Variants in SUSD6 observed in about 807,000 individuals in gnomAD.
SUSD6 encodes the protein sushi domain containing 6.
A neutral mutation model predicts 28.4 loss-of-function variants in SUSD6; 16 were observed. That is an observed-to-expected ratio of 0.56 (90% confidence interval 0.38 to 0.86). The LOEUF (loss-of-function observed/expected upper bound fraction) is 0.86, where lower values mean the gene tolerates loss of function less well. Ranked by LOEUF, SUSD6 falls within the 40% of genes least tolerant of loss-of-function variation. The pLI, the probability that SUSD6 is intolerant of heterozygous loss-of-function variation, is 0.00. For missense variants in SUSD6, 341 were observed against 384.2 expected (o/e 0.89, Z 0.94); for synonymous variants, 147 against 159.6 (o/e 0.92, Z 0.59).
At chr14:69,688,648 A>G (rs1378131568) in intron 2 of SUSD6, among the ~76,000 whole-genome samples, 2 of 152,212 alleles carry the variant, frequency 1.3e-5, no homozygotes, top group South Asian at 2.1e-4. Flanking sequence ...CTTGAGAAGC[A>G]TGATGAATCT....
At chr14:69,687,738 A>T (rs1036305692) in intron 2 of SUSD6, among the ~76,000 whole-genome samples, 2 of 152,232 alleles carry the variant, frequency 1.3e-5, no homozygotes, top group Non-Finnish European at 2.9e-5. Context: ...CTGGCTGGCC[A>T]CGACATGGAG....
At chr14:69,621,049 GCCCTCC>G (rs1244590028) in intron 1 of SUSD6, among the ~76,000 whole-genome samples, 1 of 152,238 alleles carries the variant, frequency 6.6e-6, no homozygotes, top group East Asian at 1.9e-4. Context: ...GTAAACGTAC[GCCCTCC>G]CCCTATATTT....
At chr14:69,687,080 G>A (rs1886084244) in intron 2 of SUSD6, among the ~76,000 whole-genome samples, 1 of 152,110 alleles carries the variant, frequency 6.6e-6, no homozygotes, top group Non-Finnish European at 1.5e-5. Flanking sequence ...GTTCAGGCGA[G>A]TCTCCTGCCT....
At chr14:69,640,504 T>C (rs964329054) in intron 1 of SUSD6, among the ~76,000 whole-genome samples, 2 of 152,004 alleles carry the variant, frequency 1.3e-5, no homozygotes, top group African/African-American at 2.4e-5. Flanking sequence ...CTGGCTGATT[T>C]TCTTTTTATT....
chr14:69,694,670 G>T (rs558775023), intron 2 of SUSD6, among the ~76,000 whole-genome samples: 1 of 152,162 alleles, frequency 6.6e-6, no homozygotes, highest in African/African-American at 2.4e-5. Flanking sequence ...TTTATTGAAC[G>T]CTGTGCCTCA....
intron 1 of SUSD6, among the ~76,000 whole-genome samples, chr14:69,623,942 A>G (rs970733281): frequency 3.9e-5 from 6 of 152,236 alleles, no homozygotes; most frequent in Non-Finnish European, 7.3e-5. Flanking sequence ...CAGTAAGCTA[A>G]GGTTAATTTA....
intron 1 of SUSD6, among the ~76,000 whole-genome samples, chr14:69,645,440 G>C (rs536816383): frequency 5.4e-4 from 82 of 152,274 alleles, no homozygotes; most frequent in African/African-American, 1.9e-3. Context: ...GGGGATGATG[G>C]GGTAGAGAGA....
chr14:69,630,978 TAAC>T (rs775631497), intron 1 of SUSD6, among the ~76,000 whole-genome samples: 1 of 152,224 alleles, frequency 6.6e-6, no homozygotes, highest in Non-Finnish European at 1.5e-5. Context: ...ACAGCTTTCT[TAAC>T]ATGAGGTGCC....
At chr14:69,634,750 T>G (rs1885240382) in intron 1 of SUSD6, among the ~76,000 whole-genome samples, 1 of 152,244 alleles carries the variant, frequency 6.6e-6, no homozygotes, top group African/African-American at 2.4e-5. Context: ...ACAAACTTTA[T>G]CCAAAACATG....
chr14:69,668,429 G>A (rs866019399), intron 2 of SUSD6, among the ~76,000 whole-genome samples: 49 of 152,182 alleles, frequency 3.2e-4, no homozygotes, highest in African/African-American at 1.2e-3. Flanking sequence ...GAGGTCAGGA[G>A]TTTGAGACCA....
At chr14:69,628,159 C>T (rs1885142694) in intron 1 of SUSD6, among the ~76,000 whole-genome samples, 1 of 152,022 alleles carries the variant, frequency 6.6e-6, no homozygotes, top group Non-Finnish European at 1.5e-5. Context: ...TCTGGAACTC[C>T]TGACCTCAGG....
rs1344481247 is a variant in SUSD6, at chr14:69,658,684, G to A, written c.92G>A (p.Cys31Tyr). Residue 31 changes from cysteine (C) to tyrosine (Y), a missense_variant, in exon 2 of 6, where the codon TGC becomes TAC. By Grantham distance (194) the Cys-to-Tyr change is radical (BLOSUM62 -2). Transcript: ENST00000342745. ...HGVFLPLVIL[C>Y]TLLGDGLASV... ...GTGTTCCTTCCGCTAGTGATCCTTT[G>A]CACCCTGCTTGGAGACGGACTTGCT... is the stretch of plus-strand genomic sequence containing the variant. The A allele has an allele frequency of 1.2e-6, 2 of 1,614,058 alleles. No individual in the cohort carries two copies. Among genetic ancestry groups the A allele is most frequent in the East Asian group, 4.5e-5 (2 of 44,868 alleles).
chr14:69,651,302 A>T (rs1342015398), intron 1 of SUSD6, among the ~76,000 whole-genome samples: 3 of 152,212 alleles, frequency 2.0e-5, no homozygotes, highest in Non-Finnish European at 2.9e-5. Flanking sequence ...TGTTGTCTGA[A>T]GTTGGGGAAA....
intron 2 of SUSD6, among the ~76,000 whole-genome samples, chr14:69,682,863 C>G (rs1886017057): frequency 6.6e-6 from 1 of 151,360 alleles, no homozygotes; most frequent in African/African-American, 2.4e-5. Context: ...TCTCCTAGAA[C>G]AGGCTTTGCC....
chr14:69,699,993 A>T (rs1016590555), intron 2 of SUSD6, among the ~76,000 whole-genome samples: 4 of 152,208 alleles, frequency 2.6e-5, no homozygotes, highest in African/African-American at 9.7e-5. Context: ...TTTATTATGC[A>T]GATGGGTTCT....
intron 1 of SUSD6, among the ~76,000 whole-genome samples, chr14:69,630,336 G>A (rs573808083): frequency 2.8e-4 from 43 of 152,324 alleles, no homozygotes; most frequent in Middle Eastern, 3.4e-3. Context: ...CCAAGTGAAG[G>A]CAGCAGCCAG....
chr14:69,635,913 T>G (rs1885259608), intron 1 of SUSD6, among the ~76,000 whole-genome samples: 1 of 152,232 alleles, frequency 6.6e-6, no homozygotes, highest in Admixed American at 6.5e-5. Flanking sequence ...CAGGAAAGAT[T>G]TCTGATTATT....
chr14:69,649,778 G>T (rs911801662), intron 1 of SUSD6, among the ~76,000 whole-genome samples: 1 of 152,186 alleles, frequency 6.6e-6, no homozygotes, highest in Admixed American at 6.5e-5. Flanking sequence ...AGCCTTCCAT[G>T]CCTTTGGGCT....
chr14:69,666,770 G>A (rs1885748242), intron 2 of SUSD6, among the ~76,000 whole-genome samples: 1 of 151,992 alleles, frequency 6.6e-6, no homozygotes, highest in Admixed American at 6.6e-5. Context: ...CTGGGAAGTA[G>A]TGCAGGGAAG....
Sources: allele counts gnomAD v4.1 joint callset (sites outside exome capture counted in the v4.1 genomes callset), GRCh38; gene constraint gnomAD v4.1.1; transcripts MANE v1.5; gene names NCBI Gene and HGNC (gene_info 2026-07-23, HGNC 2026-07-21).